The following GPHN variants were observed in gnomAD, a reference collection of about 807,000 sequenced individuals.
GPHN encodes the protein gephyrin.
GPHN carries 17 observed loss-of-function variants against 95.5 expected under a neutral mutation model. The observed-to-expected ratio is 0.18, with a 90% confidence interval of 0.12 to 0.27. The LOEUF (loss-of-function observed/expected upper bound fraction) is 0.27, where lower values mean the gene tolerates loss of function less well. Among genes scored for constraint, GPHN ranks in the 10% least tolerant of loss-of-function variants. The probability of loss-of-function intolerance (pLI) is 1.00; values close to 1 mark genes in which losing one functional copy is unlikely to be tolerated. For synonymous variants in GPHN, 320 were observed against 322.5 expected (o/e 0.99, Z 0.08); for missense variants, 660 against 978.1 (o/e 0.67, Z 4.34).
At chr14:66,965,401 C>A in intron 9 of GPHN, 76 bp downstream of exon 9, 1 of 1,317,020 alleles carries the variant, frequency 7.6e-7, no homozygotes, top group Non-Finnish European at 1.1e-6. Context: ...TTTCCTCCTG[C>A]TTGTCAAGGT....
the GPHN span, among the ~76,000 whole-genome samples, chr14:67,645,164 T>C: frequency 6.6e-6 from 1 of 152,048 alleles, no homozygotes; most frequent in African/African-American, 2.4e-5. Context: ...GACTGTACCA[T>C]TTACCTAGAT....
At chr14:66,648,516 TTAGA>T (rs2064874993) in intron 1 of GPHN, among the ~76,000 whole-genome samples, 1 of 152,134 alleles carries the variant, frequency 6.6e-6, no homozygotes. Context: ...TTTTCTGTGT[TTAGA>T]TAGGTATTTA....
the GPHN span, among the ~76,000 whole-genome samples, chr14:67,213,226 C>G: frequency 6.7e-6 from 1 of 149,732 alleles, no homozygotes; most frequent in Non-Finnish European, 1.5e-5. Flanking sequence ...AGGTTAGTTA[C>G]ATATGTATAC....
chr14:67,167,088 G>T (rs909827871), intron 20 of GPHN, among the ~76,000 whole-genome samples: 1 of 151,908 alleles, frequency 6.6e-6, no homozygotes, highest in African/African-American at 2.4e-5. Context: ...TGTTTTTTTG[G>T]ACATTTTTAA....
At chr14:66,518,549 G>A (rs890935939) in intron 1 of GPHN, among the ~76,000 whole-genome samples, 6 of 152,228 alleles carry the variant, frequency 3.9e-5, no homozygotes, top group African/African-American at 1.2e-4. Context: ...ATTTACTGCA[G>A]CACTGTTCAC....
At chr14:67,159,316 C>T (rs2081824921) in intron 18 of GPHN, 99 bp from the exon 19 acceptor site, 1 of 800,356 alleles carries the variant, frequency 1.2e-6, no homozygotes, top group South Asian at 1.4e-5. Flanking sequence ...AAAGATGTTT[C>T]TTTTCATTTC....
chr14:66,841,179 G>A lies in GPHN; in HGVS notation c.294+16613G>A, dbSNP rs907516728. The stretch of plus-strand genomic sequence containing the variant: ...TATTAAAAAACAAGTAAACTCTATA[G>A]AACTGGAGATGGTAAGCGCTATGTT... On this transcript the variant is annotated intron_variant, in intron 4 of 22. Coordinates refer to ENST00000478722, the MANE Select transcript of GPHN (RefSeq NM_020806.5). 2.4e-3 allele frequency among the ~76,000 whole-genome samples: 362 copies of A among 152,150 alleles called. 3 individuals carry two copies. The highest frequency in any genetic ancestry group is 8.2e-3 in the African/African-American group (341 of 41,484).
chr14:66,903,809 T>C (rs1418328152), intron 5 of GPHN, among the ~76,000 whole-genome samples: 2 of 152,166 alleles, frequency 1.3e-5, no homozygotes, highest in Non-Finnish European at 2.9e-5. Flanking sequence ...TAATCTGTTG[T>C]AGGTATTTGC....
chr14:67,660,964 G>A, the GPHN span, among the ~76,000 whole-genome samples: 1 of 152,214 alleles, frequency 6.6e-6, no homozygotes, highest in Non-Finnish European at 1.5e-5. Context: ...GAAGAAGATA[G>A]TTCCCACAGT....
At chr14:66,845,985 T>TA (rs1157178197) in intron 4 of GPHN, among the ~76,000 whole-genome samples, 1 of 152,150 alleles carries the variant, frequency 6.6e-6, no homozygotes, top group Non-Finnish European at 1.5e-5. Flanking sequence ...TTTAAAAAGT[T>TA]AAAGAGAATT....
chr14:66,978,971 C>T (rs147923714), intron 9 of GPHN, among the ~76,000 whole-genome samples: 2,923 of 152,256 alleles, frequency 0.019, 38 homozygotes, highest in Middle Eastern at 0.034. Flanking sequence ...TCTTGGATGA[C>T]TAGGTACAAT....
At chr14:66,715,794 G>A (rs2070119436) in intron 2 of GPHN, among the ~76,000 whole-genome samples, 1 of 152,086 alleles carries the variant, frequency 6.6e-6, no homozygotes, top group Admixed American at 6.6e-5. Context: ...GGTTTTGAAT[G>A]TTTCTTTTGG....
In GPHN at chr14:66,535,902, T is replaced by C. The variant is rs368946764; in HGVS notation, c.64+27311T>C. 1.6e-4 allele frequency among the ~76,000 whole-genome samples: 24 copies of C among 152,240 alleles called. No homozygotes were observed. The South Asian group carries it at 3.7e-3, about 24-fold the overall frequency. ...CCAAATCATCTGAGAATAGTAACTA[T>C]TTTACTTATTTCTTTCCAGTCTTTA... On this transcript the variant is annotated intron_variant, in intron 1 of 22. Coordinates refer to ENST00000478722, the MANE Select transcript of GPHN (RefSeq NM_020806.5).
At chr14:67,018,082 A>G (rs925193362) in intron 9 of GPHN, among the ~76,000 whole-genome samples, 7 of 152,134 alleles carry the variant, frequency 4.6e-5, no homozygotes, top group African/African-American at 1.7e-4. Context: ...GGGGACTCAT[A>G]TCAGTAATTG....
chr14:66,608,485 A>G (rs1462965289), intron 1 of GPHN, among the ~76,000 whole-genome samples: 1 of 152,104 alleles, frequency 6.6e-6, no homozygotes, highest in Non-Finnish European at 1.5e-5. Flanking sequence ...ACTATTCTAT[A>G]GATGTCTATT....
At chr14:67,458,668 C>A in the GPHN span, among the ~76,000 whole-genome samples, 1 of 152,288 alleles carries the variant, frequency 6.6e-6, no homozygotes, top group South Asian at 2.1e-4. Context: ...TCACTGACCC[C>A]CTGCCAAGGG....
the GPHN span, chr14:67,693,055 G>A: frequency 6.2e-7 from 1 of 1,601,910 alleles, no homozygotes; most frequent in East Asian, 2.2e-5. Flanking sequence ...GCATTTTCCT[G>A]CAGACAGAGA....
chr14:67,122,364 A>G lies in GPHN; in HGVS notation c.1735A>G (p.Ile579Val), dbSNP rs1325847946. Residue 579 changes from isoleucine (I) to valine (V), a missense_variant, in exon 17 of 23, where the codon ATT (isoleucine) becomes GTT (valine). Ile to Val is a conservative substitution (Grantham distance 29). Coordinates refer to ENST00000478722, the MANE Select transcript of GPHN (RefSeq NM_020806.5). ...EHGYPTINLG[I>V]VGDNPDDLLN... ...TGGTTACCCCACGATCAACTTGGGTATTGTAGGAGACAAGTAAGTATTTGA... is the reference window on the plus strand; with the variant it reads ...TGGTTACCCCACGATCAACTTGGGTGTTGTAGGAGACAAGTAAGTATTTGA... 3 of 1,612,784 alleles carry G rather than the reference A, an allele frequency of 1.9e-6. No homozygotes were observed. Among genetic ancestry groups the G allele is most frequent in the African/African-American group, 2.7e-5 (2 of 74,904 alleles).
the GPHN span, among the ~76,000 whole-genome samples, chr14:67,504,073 G>C: frequency 6.6e-6 from 1 of 151,408 alleles, no homozygotes; most frequent in African/African-American, 2.4e-5. Flanking sequence ...GAGTGCAGTC[G>C]TGCGATCTCG....
Sources: allele counts gnomAD v4.1 joint callset (sites outside exome capture counted in the v4.1 genomes callset), GRCh38; gene constraint gnomAD v4.1.1; transcripts MANE v1.5; gene names NCBI Gene and HGNC (gene_info 2026-07-23, HGNC 2026-07-21).